The following FKBP8 variants were observed in gnomAD, a reference collection of about 807,000 sequenced individuals.
FKBP8 encodes peptidyl-prolyl cis-trans isomerase FKBP8.
A neutral mutation model predicts 41.7 loss-of-function variants in FKBP8; 5 were observed. The observed-to-expected ratio is 0.12, with a 90% CI of 0.06 to 0.25. The LOEUF is 0.25. Ranked by LOEUF, FKBP8 falls within the 10% of genes least tolerant of loss-of-function variation. The probability of loss-of-function intolerance (pLI) is 1.00; values close to 1 mark genes in which losing one functional copy is unlikely to be tolerated. For missense variants in FKBP8, 397 were observed against 563.0 expected, an observed-to-expected ratio of 0.71 and a Z score of 2.98; for synonymous variants, 279 against 254.5, an observed-to-expected ratio of 1.10 and a Z score of -0.92.
In FKBP8 at chr19:18,538,222, C is replaced by T. The variant is rs751939678; in HGVS notation, c.766G>A (p.Ala256Thr). The change falls in exon 5 of 9, where the codon GCC becomes ACC. Residue 256 changes from alanine (A) to threonine (T), a missense_variant. Ala to Thr is a moderately conservative substitution (Grantham distance 58). Around this residue, in one of 2 missense-constraint regions of FKBP8, gnomAD observed 225 missense variants for 366.8 expected, o/e 0.61. Coordinates refer to ENST00000608443, the MANE Select transcript of FKBP8 (RefSeq NM_012181.5). This position sits in a 1 kb window ranked among gnomAD's most constrained non-coding sequence, Gnocchi z 4.0. ...ATCTGACCCAGGCGGTCACCTTTGG[C>T]GCTGGAGGTGATAGCCTTGATGGCG... Reference protein sequence around the residue: ...DLAIKAITSSAKVDMTFEEEA... With the variant: ...DLAIKAITSSTKVDMTFEEEA... 4.4e-6 allele frequency: 7 copies of T among 1,605,294 alleles called. No homozygotes were observed. In the East Asian group the frequency reaches 9.0e-5, roughly 21 times the overall value.
At position 18,533,023 on chromosome 19, in the gene FKBP8, G is replaced by A. The variant is rs986126181; in HGVS notation, c.1024-228C>T. 4.4e-5 allele frequency: 33 copies of A among 749,444 alleles called. No homozygotes were observed. The African/African-American group carries it at 5.5e-4, about 12-fold the overall frequency. The allele number at this position is 749,444 out of a possible 1,614,324, so 46.4% of individuals were successfully genotyped here. On this transcript the variant is annotated intron_variant, in intron 7 of 8. Coordinates refer to ENST00000608443, the MANE Select transcript of FKBP8 (RefSeq NM_012181.5). ...AGCCAGGAGACAAAAGGTTCTGGAA[G>A]GAAGGCCAAGGACACTGGCATGGAG...
At chr19:18,542,491 G>A (rs1391163119) in intron 1 of FKBP8, 2 of 180,260 alleles carry the variant, frequency 1.1e-5, no homozygotes, top group Admixed American at 5.7e-5. Flanking sequence ...TAAGGCCACT[G>A]GGGGAAATTG....
intron 1 of FKBP8, chr19:18,542,957 C>T (rs1976742914): frequency 2.4e-6 from 3 of 1,224,996 alleles, no homozygotes; most frequent in African/African-American, 1.6e-5. Context: ...CATAATTCCC[C>T]GCGCCCGCAC....
At chr19:18,532,566 A>T in intron 8 of FKBP8, 98 bp downstream of exon 8, 1 of 1,529,878 alleles carries the variant, frequency 6.5e-7, no homozygotes, top group African/African-American at 1.4e-5. Context: ...ATCGCCCAGG[A>T]CGGCCCAGTC....
At chr19:18,540,888 G>A (rs1976681988) in intron 2 of FKBP8, among the ~76,000 whole-genome samples, 1 of 150,896 alleles carries the variant, frequency 6.6e-6, no homozygotes, top group South Asian at 2.1e-4. Context: ...AAAAAAAAAA[G>A]TAGTAAGATT....
chr19:18,542,823 C>T (rs987618141), intron 1 of FKBP8: 10 of 1,083,938 alleles, frequency 9.2e-6, no homozygotes, highest in Middle Eastern at 2.3e-4. Context: ...CCCCCAGGCC[C>T]CAAGCTCAGA....
chr19:18,540,418 T>C (rs371164254), intron 2 of FKBP8, among the ~76,000 whole-genome samples: 3 of 152,102 alleles, frequency 2.0e-5, no homozygotes, highest in Admixed American at 6.6e-5. Context: ...CTGGGCAACA[T>C]AGTGAGACCC....
chr19:18,535,782 G>C (rs886801284), intron 6 of FKBP8, among the ~76,000 whole-genome samples: 4 of 151,568 alleles, frequency 2.6e-5, no homozygotes, highest in Admixed American at 6.6e-5. Context: ...CCAGGGGGGA[G>C]GGGGGAGCAT....
intron 1 of FKBP8, chr19:18,542,905 G>A (rs1374415555): frequency 2.3e-6 from 3 of 1,280,176 alleles, no homozygotes; most frequent in South Asian, 2.5e-5. Context: ...CTCCTCCCGG[G>A]CTCGGAGCCC....
Position 18,532,191 on chromosome 19 carries a change from A to G in FKBP8, c.1220T>C (p.Val407Ala). The G allele has an allele frequency of 6.2e-7, 1 of 1,608,496 alleles. No individual in the cohort carries two copies. Among genetic ancestry groups the G allele is most frequent in the Non-Finnish European group, 8.5e-7 (1 of 1,177,964 alleles). Residue 407 changes from valine (V) to alanine (A), a missense_variant, in exon 9 of 9, where the codon GTG becomes GCG. Transcript: ENST00000608443. ...AVALGGVALSVVIAARN is the reference protein window; with the variant it reads ...AVALGGVALSAVIAARN ...TGGTCAGTTCCTGGCAGCGATGACC[A>G]CAGAGAGTGCCACACCCCCCAAGGC... is the stretch of plus-strand genomic sequence containing the variant.
At position 18,541,720 on chromosome 19, in the gene FKBP8, G is replaced by A. The variant is rs1568412140; in HGVS notation, c.251C>T (p.Pro84Leu). The A allele has an allele frequency of 1.2e-6, 2 of 1,613,310 alleles. No homozygotes were observed. Among genetic ancestry groups the A allele is most frequent in the Non-Finnish European group, 1.7e-6 (2 of 1,179,578 alleles). ...CTCTTCTGGGGCCGGGGCTGGGGCG[G>A]GCTCGGGCTCCATGGCAGCAAGGAA... ...REFLAAMEPEPAPAPAPEEWL... is the reference protein window; with the variant it reads ...REFLAAMEPELAPAPAPEEWL... Residue 84 changes from proline (P) to leucine (L), a missense_variant, in exon 2 of 9, where the codon CCC becomes CTC. By Grantham distance (98) the Pro-to-Leu change is moderately conservative. Coordinates refer to ENST00000608443, the MANE Select transcript of FKBP8 (RefSeq NM_012181.5).
intron 2 of FKBP8, among the ~76,000 whole-genome samples, chr19:18,540,238 G>A (rs1976668892): frequency 6.6e-6 from 1 of 152,124 alleles, no homozygotes; most frequent in Non-Finnish European, 1.5e-5. Flanking sequence ...AGGTGCTCAT[G>A]GGACCTTTGG....
rs368085900 is a variant in FKBP8, at chr19:18,541,733, T to C, written c.238A>G (p.Met80Val). ...GGGGCTGGGGCGGGCTCGGGCTCCA[T>C]GGCAGCAAGGAACTCTCGGGCCAGG... ...GALAREFLAA[M>V]EPEPAPAPAP... is the part of the protein sequence containing the mutation. Residue 80 changes from methionine to valine, a missense_variant, in exon 2 of 9, where the codon ATG becomes GTG. Physicochemically the swap from Met to Val is conservative, Grantham distance 21 (BLOSUM62 1). Coordinates refer to ENST00000608443, the MANE Select transcript of FKBP8 (RefSeq NM_012181.5). 5.6e-6 allele frequency: 9 copies of C among 1,613,634 alleles called. No homozygotes were observed. The East Asian group carries it at 1.8e-4, about 32-fold the overall frequency.
At chr19:18,540,114 C>T (rs1306322665) in intron 2 of FKBP8, among the ~76,000 whole-genome samples, 1 of 151,974 alleles carries the variant, frequency 6.6e-6, no homozygotes, top group Non-Finnish European at 1.5e-5. Context: ...AGAACCCAGT[C>T]TCCCCACCCT....
rs919895615 is a variant in FKBP8, at chr19:18,534,308, AAAAC to A, written c.946-965_946-962del. ...GGCGACAGAGCGAGACTCCGTCTCA[AAAAC>A]AAACAAACAAACAAAAAAAACAGCC... On this transcript the variant is annotated intron_variant, in intron 6 of 8. Transcript: ENST00000608443. Among the ~76,000 whole-genome samples, 130 of 152,274 alleles carry A rather than the reference AAAAC, an allele frequency of 8.5e-4. 1 individual carries two copies. The highest frequency in any genetic ancestry group is 1.6e-3 in the African/African-American group (67 of 41,578).
intron 6 of FKBP8, among the ~76,000 whole-genome samples, chr19:18,535,509 C>T (rs984746918): frequency 1.3e-5 from 2 of 151,938 alleles, no homozygotes; most frequent in South Asian, 2.1e-4. Context: ...AAGTGGCTCA[C>T]GCCTATAATC....
At chr19:18,539,517 C>A (rs1314930777) in intron 3 of FKBP8, 34 bp downstream of exon 3, 1 of 1,611,484 alleles carries the variant, frequency 6.2e-7, no homozygotes, top group Non-Finnish European at 8.5e-7. Flanking sequence ...AAGGCACGCC[C>A]CTCGCCCCTG....
Position 18,531,956 on chromosome 19 carries a change from G to A in FKBP8, c.*213C>T, listed in dbSNP as rs1045016923. 1.7e-5 allele frequency: 10 copies of A among 579,102 alleles called. No individual in the cohort carries two copies. Among genetic ancestry groups the A allele is most frequent in the African/African-American group, 1.3e-4 (7 of 53,356 alleles). The allele number at this position is 579,102 out of a possible 1,614,324, so 35.9% of individuals were successfully genotyped here. A position where few individuals can be genotyped will look rare whatever the true frequency, so the allele number is the denominator to read the frequency against. ...GGTAAGGAGGGTGGGGGAAAACTGG[G>A]TCTGAAGGAATGAGGGCCCCCTCCC... On this transcript the variant is annotated 3_prime_UTR_variant, in exon 9 of 9. Transcript: ENST00000608443.
At position 18,532,079 on chromosome 19, in the gene FKBP8, A is replaced by T; in HGVS notation, c.*90T>A. 8.6e-7 allele frequency: 1 copy of T among 1,162,522 alleles called. No homozygotes were observed. The highest frequency in any genetic ancestry group is 1.3e-6 in the Non-Finnish European group (1 of 796,510). The allele number at this position is 1,162,522 out of a possible 1,614,324, so 72.0% of individuals were successfully genotyped here. On this transcript the variant is annotated 3_prime_UTR_variant, in exon 9 of 9. Coordinates refer to ENST00000608443, the MANE Select transcript of FKBP8 (RefSeq NM_012181.5). ...CTAACCCGGAGGAGGGGGCCAGACC[A>T]GGGAGGGCAGTGGACAGGGAGCCTG...
Sources: allele counts gnomAD v4.1 joint callset (sites outside exome capture counted in the v4.1 genomes callset), GRCh38; gene constraint gnomAD v4.1.1; regional missense constraint gnomAD v4.1.1; non-coding constraint Gnocchi (gnomAD v3.1); transcripts MANE v1.5; gene names NCBI Gene and HGNC (gene_info 2026-07-23, HGNC 2026-07-21).